Variants in PDZD8 observed in about 807,000 individuals in gnomAD.
PDZD8 encodes PDZ domain containing 8.
In PDZD8, 14 loss-of-function variants were observed where a neutral mutation model predicts 85.8. The observed-to-expected ratio is 0.16, with a 90% CI of 0.11 to 0.26. The LOEUF is 0.26. PDZD8 is among the 10% of genes least tolerant of loss of function. The probability of loss-of-function intolerance (pLI) is 1.00; values close to 1 mark genes in which losing one functional copy is unlikely to be tolerated. For synonymous variants in PDZD8, 592 were observed against 568.6 expected, an observed-to-expected ratio of 1.04 and a Z score of -0.59; for missense variants, 1,197 against 1,424.3, an observed-to-expected ratio of 0.84 and a Z score of 2.57.
rs779629792 is a variant in PDZD8 at position 117,374,891 on chromosome 10, C to A, written c.337G>T (p.Ala113Ser). The change falls in exon 1 of 5, where the codon GCG becomes TCG. Residue 113 changes from alanine to serine, a missense_variant. Coordinates refer to ENST00000334464, the MANE Select transcript of PDZD8 (RefSeq NM_173791.5). This position sits in a 1 kb window ranked among gnomAD's most constrained non-coding sequence, Gnocchi z 7.8. ...TTGGTGACCCAGCGGCGGGTCAGCGCGGTGTCCCGCAACTCCCGGAACAGG... is the reference window on the plus strand; with the variant it reads ...TTGGTGACCCAGCGGCGGGTCAGCGAGGTGTCCCGCAACTCCCGGAACAGG... ...LFLFRELRDT[A>S]LTRRWVTKKI... 6.2e-7 allele frequency: 1 copy of A among 1,613,488 alleles called. No homozygotes were observed. The highest frequency in any genetic ancestry group is 8.5e-7 in the Non-Finnish European group (1 of 1,179,898).
At chr10:117,368,391 T>C (rs1458192992) in intron 1 of PDZD8, among the ~76,000 whole-genome samples, 2 of 152,146 alleles carry the variant, frequency 1.3e-5, no homozygotes, top group Non-Finnish European at 2.9e-5. Context: ...TCCCCAAATA[T>C]TAAAGGTTAG....
chr10:117,365,571 C>T (rs1407806424), intron 1 of PDZD8, among the ~76,000 whole-genome samples: 1 of 151,870 alleles, frequency 6.6e-6, no homozygotes, highest in Admixed American at 6.6e-5. Context: ...TAATGTGTCA[C>T]CTAGAAAATA....
intron 1 of PDZD8, among the ~76,000 whole-genome samples, chr10:117,365,479 A>T (rs1156525203): frequency 1.3e-5 from 2 of 152,146 alleles, no homozygotes; most frequent in Non-Finnish European, 2.9e-5. Flanking sequence ...ATTACAGAAG[A>T]TTTTCACTTT....
At chr10:117,372,842 T>C (rs1282463882) in intron 1 of PDZD8, among the ~76,000 whole-genome samples, 4 of 152,162 alleles carry the variant, frequency 2.6e-5, no homozygotes, top group Admixed American at 1.3e-4. Context: ...ACATAATTGG[T>C]AAGGTACATC....
chr10:117,348,643 CTCT>C, intron 1 of PDZD8, among the ~76,000 whole-genome samples: 1 of 152,320 alleles, frequency 6.6e-6, no homozygotes, highest in Non-Finnish European at 1.5e-5. Flanking sequence ...TTCTCTCTCC[CTCT>C]TCTTATAAGG....
chr10:117,283,328 T>C lies in PDZD8; in HGVS notation c.3405A>G (p.Ile1135Met), dbSNP rs1844599623. The change falls in exon 5 of 5, where the codon ATA becomes ATG. Residue 1135 changes from isoleucine to methionine, a missense_variant. Ile to Met is a conservative substitution (Grantham distance 10, BLOSUM62 1). Coordinates refer to ENST00000334464, the MANE Select transcript of PDZD8 (RefSeq NM_173791.5). ...EDLDNEISQL[I>M]DSQPFSSISD... Reference sequence around the variant, plus strand: ...ATATGCTGCTGAATGGCTGAGAGTCTATTAGTTGGCTTATTTCATTATCAA... The same window carrying C: ...ATATGCTGCTGAATGGCTGAGAGTCCATTAGTTGGCTTATTTCATTATCAA... The C allele has an allele frequency of 1.2e-6, 2 of 1,614,078 alleles. No individual in the cohort carries two copies. The highest frequency in any genetic ancestry group is 2.7e-5 in the African/African-American group (2 of 75,026).
At chr10:117,315,124 C>T (rs74159178) in intron 3 of PDZD8, among the ~76,000 whole-genome samples, 4,232 of 152,178 alleles carry the variant, frequency 0.028, 220 homozygotes, top group African/African-American at 0.098. Context: ...ACCTTCTCTT[C>T]CCCAGTGGCC....
At chr10:117,312,833 C>G (rs1231995285) in intron 3 of PDZD8, among the ~76,000 whole-genome samples, 1 of 152,154 alleles carries the variant, frequency 6.6e-6, no homozygotes, top group Non-Finnish European at 1.5e-5. Flanking sequence ...TGTCCTCGCC[C>G]TATCCAGTTC....
intron 1 of PDZD8, among the ~76,000 whole-genome samples, chr10:117,362,845 T>C (rs1225150003): frequency 6.6e-6 from 1 of 151,640 alleles, no homozygotes; most frequent in African/African-American, 2.4e-5. Flanking sequence ...CAGTTTGTAC[T>C]ACCTACCACT....
At chr10:117,347,698 T>G (rs1844733008) in intron 1 of PDZD8, among the ~76,000 whole-genome samples, 1 of 152,116 alleles carries the variant, frequency 6.6e-6, no homozygotes. Flanking sequence ...ATTTAAAAAT[T>G]ACAGAGGAAC....
rs1334808581 is a variant in PDZD8 at position 117,284,958 on chromosome 10, G to A, written c.1775C>T (p.Pro592Leu). ...AGGAACTTTCGCTTGTGGTCGTGGT[G>A]GCACAGGTGGTTTGAAAGCAGATCC... is the stretch of plus-strand genomic sequence containing the variant. ...TQGSAFKPPVPPRPQAKVPLP... is the reference protein window; with the variant it reads ...TQGSAFKPPVLPRPQAKVPLP... Residue 592 changes from proline (P) to leucine (L), a missense_variant, in exon 5 of 5, where the codon CCA (proline) becomes CTA (leucine). Coordinates refer to ENST00000334464, the MANE Select transcript of PDZD8 (RefSeq NM_173791.5). 1 of 1,614,124 alleles carries A rather than the reference G, an allele frequency of 6.2e-7. No individual in the cohort carries two copies. The highest frequency in any genetic ancestry group is 1.7e-5 in the Admixed American group (1 of 60,022).
chr10:117,353,947 T>C (rs188342466), intron 1 of PDZD8, among the ~76,000 whole-genome samples: 7 of 152,166 alleles, frequency 4.6e-5, no homozygotes, highest in Non-Finnish European at 7.3e-5. Context: ...AGTTCATACA[T>C]TGGTACCTAA....
At chr10:117,340,842 A>T in intron 2 of PDZD8, 138 bp downstream of exon 2, 2 of 1,021,038 alleles carry the variant, frequency 2.0e-6, no homozygotes, top group Non-Finnish European at 2.7e-6. Flanking sequence ...GACTACTTTT[A>T]TGATATTAAA....
At chr10:117,311,789 AAC>A (rs922045377) in intron 3 of PDZD8, among the ~76,000 whole-genome samples, 4 of 151,986 alleles carry the variant, frequency 2.6e-5, no homozygotes, top group Non-Finnish European at 4.4e-5. Context: ...AGATATGAGT[AAC>A]AGTTCTAAGA....
intron 3 of PDZD8, among the ~76,000 whole-genome samples, chr10:117,294,951 A>G (rs1285041144): frequency 2.6e-5 from 4 of 152,164 alleles, no homozygotes; most frequent in Non-Finnish European, 4.4e-5. Context: ...GGGTAACTAT[A>G]GTTAATAATG....
In PDZD8 at chr10:117,283,666, G is replaced by C; in HGVS notation, c.3067C>G (p.Leu1023Val). 6.2e-7 allele frequency: 1 copy of C among 1,614,180 alleles called. No homozygotes were observed. Among genetic ancestry groups the C allele is most frequent in the Non-Finnish European group, 8.5e-7 (1 of 1,180,034 alleles). The change falls in exon 5 of 5, where the codon CTG becomes GTG. Residue 1023 changes from leucine to valine, a missense_variant. Transcript: ENST00000334464. ...TCCTCTGTAGGCAAGCCCCTGTACA[G>C]ATCACGACCAATTTCTTTAACTGCA... ...FIAVKEIGRD[L>V]YRGLPTEERI...
At chr10:117,319,281 C>G (rs1390591029) in intron 2 of PDZD8, among the ~76,000 whole-genome samples, 1 of 151,878 alleles carries the variant, frequency 6.6e-6, no homozygotes, top group Non-Finnish European at 1.5e-5. Context: ...AGCTATACAT[C>G]TTCAAAACAG....
rs1171450941 is a variant in PDZD8, at chr10:117,281,669, GTAT to G, written c.*1596_*1598del. On this transcript the variant is annotated 3_prime_UTR_variant, in exon 5 of 5. Coordinates refer to ENST00000334464, the MANE Select transcript of PDZD8 (RefSeq NM_173791.5). ...ACAACAATACTGTGAGGGAGGTAAA[GTAT>G]TATTATTCCCATTTTAGAGATGGGT... The G allele has an allele frequency of 5.9e-5, 9 of 152,164 alleles. No individual in the cohort carries two copies. The highest frequency in any genetic ancestry group is 1.9e-4 in the African/African-American group (8 of 41,436). The allele number at this position is 152,164 out of a possible 1,614,324, so 9.4% of individuals were successfully genotyped here. A position where few individuals can be genotyped will look rare whatever the true frequency, so the allele number is the denominator to read the frequency against.
At chr10:117,285,738 G>A (rs1368372974) in intron 4 of PDZD8, 2 of 1,137,088 alleles carry the variant, frequency 1.8e-6, no homozygotes, top group African/African-American at 1.6e-5. Flanking sequence ...AAGAGTGCCA[G>A]GATGCTAACT....
Sources: gnomAD v4.1 joint callset for allele counts (sites outside exome capture counted in the v4.1 genomes callset) on GRCh38, gnomAD v4.1.1 for gene constraint, Gnocchi (gnomAD v3.1) non-coding constraint, MANE v1.5 for transcripts, NCBI Gene and HGNC (gene_info 2026-07-23, HGNC 2026-07-21) for gene names.